The following ZPBP variants were observed in gnomAD, a reference collection of about 807,000 sequenced individuals.
ZPBP encodes zona pellucida-binding protein 1.
Under a neutral mutation model 44.8 loss-of-function variants are expected in ZPBP, and 26 were observed. The observed-to-expected ratio is 0.58, with a 90% CI of 0.43 to 0.81. ZPBP has a LOEUF of 0.81. Ranked by LOEUF, ZPBP falls within the 30% of genes least tolerant of loss-of-function variation. The pLI, the probability that ZPBP is intolerant of heterozygous loss-of-function variation, is 0.00. For synonymous variants in ZPBP, 174 were observed against 153.2 expected (o/e 1.14, Z -1.00); for missense variants, 409 against 434.0 (o/e 0.94, Z 0.51).
chr7:49,913,871 T>C (rs1021463919), intron 1 of ZPBP: 2 of 152,192 alleles, frequency 1.3e-5, no homozygotes, highest in African/African-American at 4.8e-5. Context: ...CCTTAGTAAG[T>C]ATAAAGATGC....
At chr7:50,023,566 G>C (rs982540094) in intron 5 of ZPBP, among the ~76,000 whole-genome samples, 1 of 151,874 alleles carries the variant, frequency 6.6e-6, no homozygotes, top group African/African-American at 2.4e-5. Context: ...ACTACCTAGT[G>C]CATAATGTTC....
chr7:49,956,694 G>A (rs1795612893), intron 7 of ZPBP, among the ~76,000 whole-genome samples: 1 of 151,962 alleles, frequency 6.6e-6, no homozygotes, highest in African/African-American at 2.4e-5. Flanking sequence ...ATTTAATATA[G>A]TAAAATTATG....
At chr7:50,014,379 G>C (rs1798719698) in intron 6 of ZPBP, among the ~76,000 whole-genome samples, 1 of 151,510 alleles carries the variant, frequency 6.6e-6, no homozygotes, top group Non-Finnish European at 1.5e-5. Context: ...CTAGCATAAG[G>C]ACTGACAAAA....
chr7:49,848,324 C>G (rs555640376), downstream of ZPBP, among the ~76,000 whole-genome samples: 3 of 152,332 alleles, frequency 2.0e-5, no homozygotes, highest in Non-Finnish European at 2.9e-5. Context: ...AGGATCTTCT[C>G]TCTCCTGTGG....
intron 2 of ZPBP, among the ~76,000 whole-genome samples, chr7:49,877,789 A>G (rs897842088): frequency 1.3e-5 from 2 of 151,286 alleles, no homozygotes; most frequent in African/African-American, 4.9e-5. Flanking sequence ...TATTGTTGTC[A>G]TTATTATTAT....
chr7:49,904,805 G>C (rs1017634552), intron 1 of ZPBP, among the ~76,000 whole-genome samples: 1 of 147,712 alleles, frequency 6.8e-6, no homozygotes, highest in South Asian at 2.1e-4. Context: ...GCGCGATCTC[G>C]GCTCACTGCA....
intron 2 of ZPBP, among the ~76,000 whole-genome samples, chr7:49,887,659 C>G (rs1162532377): frequency 6.7e-6 from 1 of 148,218 alleles, no homozygotes; most frequent in Non-Finnish European, 1.5e-5. Context: ...AAAATAAGCC[C>G]TTCTAAAATT....
chr7:50,048,468 A>C (rs1411483827), intron 4 of ZPBP, among the ~76,000 whole-genome samples: 1 of 152,154 alleles, frequency 6.6e-6, no homozygotes, highest in East Asian at 1.9e-4. Context: ...GCATATACTA[A>C]GCCATAAACC....
rs555290185 is a variant in ZPBP at position 50,001,147 on chromosome 7, T to C, written c.783+17093A>G. Among the ~76,000 whole-genome samples, 9 of 152,336 alleles carry C rather than the reference T, an allele frequency of 5.9e-5. No homozygotes were observed. The South Asian group carries it at 1.9e-3, about 32-fold the overall frequency. On this transcript the variant is annotated intron_variant, in intron 6 of 7. Coordinates refer to ENST00000046087, the MANE Select transcript of ZPBP (RefSeq NM_007009.3). Reference sequence around the variant, plus strand: ...ATAAATTTATACTGTTTAAGCCTGCTGGTCTATGTTATAGCCTACAGCAGC... The same window carrying C: ...ATAAATTTATACTGTTTAAGCCTGCCGGTCTATGTTATAGCCTACAGCAGC...
chr7:50,075,926 C>T (rs192649168), intron 3 of ZPBP, among the ~76,000 whole-genome samples: 1 of 151,850 alleles, frequency 6.6e-6, no homozygotes, highest in East Asian at 1.9e-4. Flanking sequence ...ACCATTATAC[C>T]AAAACCAGAC....
intron 2 of ZPBP, among the ~76,000 whole-genome samples, chr7:49,900,273 AAAG>A (rs1353090594): frequency 1.3e-5 from 2 of 151,816 alleles, no homozygotes; most frequent in African/African-American, 4.8e-5. Flanking sequence ...GAAACTAGAA[AAAG>A]AAGAGCAAAT....
At chr7:50,069,454 C>T (rs1801718235) in intron 3 of ZPBP, among the ~76,000 whole-genome samples, 1 of 152,166 alleles carries the variant, frequency 6.6e-6, no homozygotes, top group African/African-American at 2.4e-5. Context: ...GGGCTGCATT[C>T]ATTTAGTCAT....
At chr7:49,983,565 TA>T (rs1797124024) in intron 6 of ZPBP, 46 bp from the exon 7 acceptor site, 1 of 1,271,964 alleles carries the variant, frequency 7.9e-7, no homozygotes, top group Non-Finnish European at 1.1e-6. Flanking sequence ...ATAAAAAATG[TA>T]ATTTTAGAAC....
At chr7:49,923,660 C>T (rs1316562735) in intron 1 of ZPBP, among the ~76,000 whole-genome samples, 2 of 152,100 alleles carry the variant, frequency 1.3e-5, no homozygotes, top group Non-Finnish European at 2.9e-5. Context: ...CACATCCCCA[C>T]ATTTGCCATT....
chr7:50,076,527 A>C (rs1285695212), intron 3 of ZPBP, among the ~76,000 whole-genome samples: 1 of 151,748 alleles, frequency 6.6e-6, no homozygotes, highest in Non-Finnish European at 1.5e-5. Flanking sequence ...AAAGACTTCA[A>C]GAAAAAACTA....
At chr7:49,921,890 G>A (rs1448920809) in intron 1 of ZPBP, 1 of 152,070 alleles carries the variant, frequency 6.6e-6, no homozygotes, top group Non-Finnish European at 1.5e-5. Flanking sequence ...GAATTTGTAT[G>A]TATTGTTGGA....
chr7:50,017,296 G>C (rs958608338), intron 6 of ZPBP, among the ~76,000 whole-genome samples: 8 of 152,096 alleles, frequency 5.3e-5, no homozygotes, highest in African/African-American at 1.9e-4. Flanking sequence ...GTTCACAATA[G>C]CATTTGCACT....
intron 1 of ZPBP, among the ~76,000 whole-genome samples, chr7:49,924,181 G>A (rs1794141679): frequency 6.7e-6 from 1 of 150,348 alleles, no homozygotes; most frequent in Non-Finnish European, 1.5e-5. Context: ...AATGGTAAAA[G>A]CACAAATAAG....
intron 2 of ZPBP, among the ~76,000 whole-genome samples, chr7:49,900,533 A>T (rs1792663986): frequency 1.3e-5 from 2 of 151,760 alleles, no homozygotes; most frequent in Admixed American, 1.3e-4. Flanking sequence ...AAACAATCCT[A>T]TTCCTGCAAG....
Sources: gnomAD v4.1 joint callset for allele counts (sites outside exome capture counted in the v4.1 genomes callset) on GRCh38, gnomAD v4.1.1 for gene constraint, MANE v1.5 for transcripts, NCBI Gene and HGNC (gene_info 2026-07-23, HGNC 2026-07-21) for gene names.